The following PLPP3 variants were observed in gnomAD, a reference collection of about 807,000 sequenced individuals.
PLPP3 encodes the protein PAP2 beta.
In PLPP3, 6 loss-of-function variants were observed where a neutral mutation model predicts 29.6. The ratio of observed to expected loss-of-function variants is 0.20; its 90% CI spans 0.11 to 0.40. The LOEUF (loss-of-function observed/expected upper bound fraction) is 0.40, where lower values mean the gene tolerates loss of function less well. Ranked by LOEUF, PLPP3 falls within the 10% of genes least tolerant of loss-of-function variation. The probability of loss-of-function intolerance (pLI) is 1.00; values close to 1 mark genes in which losing one functional copy is unlikely to be tolerated. For missense variants in PLPP3, 308 were observed against 407.7 expected (o/e 0.76, Z 2.11); for synonymous variants, 152 against 159.7 (o/e 0.95, Z 0.36).
intron 5 of PLPP3, among the ~76,000 whole-genome samples, chr1:56,497,848 C>T (rs548908702): frequency 3.7e-4 from 57 of 152,242 alleles, no homozygotes; most frequent in Middle Eastern, 3.4e-3. Flanking sequence ...TGTAGCAACA[C>T]GGCAATCAAG....
chr1:56,573,418 A>T (rs540347234), intron 1 of PLPP3, among the ~76,000 whole-genome samples: 1 of 152,346 alleles, frequency 6.6e-6, no homozygotes, highest in Non-Finnish European at 1.5e-5. Context: ...AGACAACCTA[A>T]CAATGCAGAA....
rs1645842619 is a variant in PLPP3, at chr1:56,524,797, T to C, written c.298-243A>G. On this transcript the variant is annotated intron_variant, in intron 2 of 5. Transcript: ENST00000371250. This position sits in a 1 kb window ranked among gnomAD's most constrained non-coding sequence, Gnocchi z 4.3. ...ATACAACCAAATATATTTATATGTA[T>C]ATATGTGTATGTGTGTGTGTGTGTG... Among the ~76,000 whole-genome samples, 2 of 137,252 alleles carry C rather than the reference T, an allele frequency of 1.5e-5. No individual in the cohort carries two copies. The highest frequency in any genetic ancestry group is 7.4e-5 in the Admixed American group (1 of 13,480). 90.0% of individuals were successfully genotyped at this position (137,252 alleles called of 152,430 possible).
chr1:56,564,204 T>A (rs1172466487), intron 1 of PLPP3, among the ~76,000 whole-genome samples: 3 of 152,202 alleles, frequency 2.0e-5, no homozygotes, highest in Non-Finnish European at 4.4e-5. Flanking sequence ...AACGACTGTC[T>A]CATCTATAAA....
At chr1:56,530,745 T>C (rs1008542804) in intron 2 of PLPP3, among the ~76,000 whole-genome samples, 22 of 152,114 alleles carry the variant, frequency 1.4e-4, no homozygotes, top group African/African-American at 5.3e-4. Context: ...GAGTAAAAAT[T>C]CCTCAGCATT....
At chr1:56,518,749 T>G (rs1423615938) in intron 4 of PLPP3, among the ~76,000 whole-genome samples, 1 of 119,026 alleles carries the variant, frequency 8.4e-6, no homozygotes, top group East Asian at 2.0e-4. Context: ...AGGGTCTCAC[T>G]ATGTTGCCCA....
chr1:56,578,944 T>C lies in PLPP3; in HGVS notation c.73A>G (p.Asn25Asp). Residue 25 changes from asparagine (N) to aspartate (D), a missense_variant, in exon 1 of 6, where the codon AAC becomes GAC. Physicochemically the swap from Asn to Asp is conservative, Grantham distance 23. Around this residue, in one of 3 missense-constraint regions of PLPP3, gnomAD observed 67 missense variants for 61.3 expected, o/e 1.09. Coordinates refer to ENST00000371250, the MANE Select transcript of PLPP3 (RefSeq NM_003713.5). ...CGCTTGCTGCCGCTCCTCCTCGGGT[T>C]GTTGTTGAGCGCCGGGCTGCCGCCG... ...KNGGSPALNN[N>D]PRRSGSKRVL... is the part of the protein sequence containing the mutation. 6.2e-7 allele frequency: 1 copy of C among 1,605,984 alleles called. No homozygotes were observed. The highest frequency in any genetic ancestry group is 8.5e-7 in the Non-Finnish European group (1 of 1,177,028).
At chr1:56,554,089 G>A (rs918095545) in intron 1 of PLPP3, among the ~76,000 whole-genome samples, 1 of 151,608 alleles carries the variant, frequency 6.6e-6, no homozygotes, top group Non-Finnish European at 1.5e-5. Context: ...AATGAGACTC[G>A]AGTGGGTGAT....
At chr1:56,557,199 G>A (rs922515177) in intron 1 of PLPP3, among the ~76,000 whole-genome samples, 1 of 151,372 alleles carries the variant, frequency 6.6e-6, no homozygotes, top group Non-Finnish European at 1.5e-5. Context: ...CCAACATGGT[G>A]AAACCCCATC....
intron 5 of PLPP3, among the ~76,000 whole-genome samples, chr1:56,500,501 G>A (rs915504411): frequency 6.6e-6 from 1 of 152,194 alleles, no homozygotes; most frequent in East Asian, 1.9e-4. Flanking sequence ...TGTGTGCAAA[G>A]GTACAGGAGA....
chr1:56,576,235 CTG>C (rs1445379675), intron 1 of PLPP3, among the ~76,000 whole-genome samples: 15 of 151,838 alleles, frequency 9.9e-5, no homozygotes, highest in Non-Finnish European at 2.1e-4. Context: ...TTATATATTC[CTG>C]TGAGAGAATA....
In PLPP3 at chr1:56,524,949, G is replaced by C. The variant is rs940414169; in HGVS notation, c.298-395C>G. Among the ~76,000 whole-genome samples, 1 of 152,050 alleles carries C rather than the reference G, an allele frequency of 6.6e-6. No homozygotes were observed. Among genetic ancestry groups the C allele is most frequent in the African/African-American group, 2.4e-5 (1 of 41,382 alleles). ...GTCACAGGGTCTGAGCAAATCTCGA[G>C]ATTCTGAGATTTGGGGTAAAGGATC... is the stretch of plus-strand genomic sequence containing the variant. On this transcript the variant is annotated intron_variant, in intron 2 of 5. Coordinates refer to ENST00000371250, the MANE Select transcript of PLPP3 (RefSeq NM_003713.5). This position sits in a 1 kb window ranked among gnomAD's most constrained non-coding sequence, Gnocchi z 4.3.
At chr1:56,548,835 C>CTGTCATTTGAATGCCA (rs1553138693) in intron 1 of PLPP3, among the ~76,000 whole-genome samples, 58 of 151,814 alleles carry the variant, frequency 3.8e-4, no homozygotes, top group South Asian at 4.2e-4. Context: ...ATACTCCTTG[C>CTGTCATTTGAATGCCA]TGTCATTTGA....
At chr1:56,516,731 T>C (rs1645783606) in intron 4 of PLPP3, among the ~76,000 whole-genome samples, 1 of 151,374 alleles carries the variant, frequency 6.6e-6, no homozygotes, top group Non-Finnish European at 1.5e-5. Flanking sequence ...ACAGCTTGTA[T>C]ATAATCTTAA....
At chr1:56,522,056 T>C (rs980208117) in intron 4 of PLPP3, among the ~76,000 whole-genome samples, 3 of 152,200 alleles carry the variant, frequency 2.0e-5, no homozygotes, top group East Asian at 1.9e-4. Flanking sequence ...TGTAGCACAG[T>C]ACAATGAAAA....
chr1:56,550,453 C>T (rs1646030878), intron 1 of PLPP3, among the ~76,000 whole-genome samples: 4 of 152,134 alleles, frequency 2.6e-5, no homozygotes, highest in Admixed American at 2.6e-4. Context: ...GGCCCTTAAT[C>T]CTTGCAAAGC....
chr1:56,539,761 TC>T lies in PLPP3; in HGVS notation c.140-2650del, dbSNP rs1645955741. On this transcript the variant is annotated intron_variant, in intron 1 of 5. Coordinates refer to ENST00000371250, the MANE Select transcript of PLPP3 (RefSeq NM_003713.5). ...GAAATCATATGGTCCCGAACCATCT[TC>T]ATGCCACTGCCTAAACATTTTGAAA... is the stretch of plus-strand genomic sequence containing the variant. 3.3e-5 allele frequency among the ~76,000 whole-genome samples: 5 copies of T among 152,330 alleles called. No homozygotes were observed. The South Asian group carries it at 1.0e-3, about 32-fold the overall frequency.
chr1:56,556,998 GAAAGAA>G (rs1332999699), intron 1 of PLPP3, among the ~76,000 whole-genome samples: 335 of 7,442 alleles, frequency 0.045, 59 homozygotes, highest in African/African-American at 0.083. Flanking sequence ...AAGAAAGAAA[GAAAGAA>G]AGAAAGAGAG....
intron 2 of PLPP3, among the ~76,000 whole-genome samples, chr1:56,526,985 C>T (rs978447738): frequency 7.2e-5 from 11 of 152,166 alleles, no homozygotes; most frequent in Non-Finnish European, 1.5e-4. Flanking sequence ...TCAGTCAACA[C>T]GATTTCCTGT....
At chr1:56,509,029 C>T (rs1032734664) in intron 5 of PLPP3, among the ~76,000 whole-genome samples, 1 of 152,204 alleles carries the variant, frequency 6.6e-6, no homozygotes, top group Non-Finnish European at 1.5e-5. Context: ...CTGTCCTGGC[C>T]TCTCAGATGG....
Sources: gnomAD v4.1 joint callset for allele counts (sites outside exome capture counted in the v4.1 genomes callset) on GRCh38, gnomAD v4.1.1 for gene constraint, gnomAD v4.1.1 regional missense constraint, Gnocchi (gnomAD v3.1) non-coding constraint, MANE v1.5 for transcripts, NCBI Gene and HGNC (gene_info 2026-07-23, HGNC 2026-07-21) for gene names.